The following SOX6 variants were observed in gnomAD, a reference collection of about 807,000 sequenced individuals.
SOX6 encodes the protein transcription factor SOX-6.
Under a neutral mutation model 97.8 loss-of-function variants are expected in SOX6, and 11 were observed. The observed-to-expected ratio is 0.11, with a 90% CI of 0.07 to 0.19. The LOEUF (loss-of-function observed/expected upper bound fraction) is 0.19, where lower values mean the gene tolerates loss of function less well. Ranked by LOEUF, SOX6 falls within the 10% of genes least tolerant of loss-of-function variation. The pLI is 1.00. For synonymous variants in SOX6, 360 were observed against 371.4 expected, an observed-to-expected ratio of 0.97 and a Z score of 0.35; for missense variants, 810 against 1,039.5, an observed-to-expected ratio of 0.78 and a Z score of 3.04.
chr11:16,269,989 C>T (rs1590079556), intron 3 of SOX6: 1 of 151,336 alleles, frequency 6.6e-6, no homozygotes, highest in East Asian at 1.9e-4. Flanking sequence ...GCAGCTTGGC[C>T]TTGTTCCTGA....
intron 9 of SOX6, among the ~76,000 whole-genome samples, chr11:16,077,019 C>T (rs1198719336): frequency 6.6e-6 from 1 of 152,002 alleles, no homozygotes; most frequent in African/African-American, 2.4e-5. Flanking sequence ...TCCCAAAGTG[C>T]TGGGATTACA....
intron 3 of SOX6, among the ~76,000 whole-genome samples, chr11:16,237,607 T>A (rs192658551): frequency 1.3e-5 from 2 of 152,132 alleles, no homozygotes; most frequent in African/African-American, 4.8e-5. Flanking sequence ...AAGGCCTGTT[T>A]GCATTATGTA....
intron 3 of SOX6, among the ~76,000 whole-genome samples, chr11:16,249,207 C>T (rs531893670): frequency 5.3e-4 from 80 of 152,058 alleles, no homozygotes; most frequent in Non-Finnish European, 1.0e-3. Flanking sequence ...TCTATCACAT[C>T]GTTAGGCTGC....
intron 1 of SOX6, among the ~76,000 whole-genome samples, chr11:16,421,119 A>C (rs1859013330): frequency 6.6e-6 from 1 of 152,198 alleles, no homozygotes; most frequent in Non-Finnish European, 1.5e-5. Flanking sequence ...GGAGTCTAAC[A>C]GGGACAGTAT....
intron 15 of SOX6, among the ~76,000 whole-genome samples, chr11:15,977,212 T>A (rs970124608): frequency 6.6e-6 from 1 of 152,050 alleles, no homozygotes; most frequent in Non-Finnish European, 1.5e-5. Context: ...ATGTCTTTGC[T>A]ATCTCTGTAG....
intron 2 of SOX6, among the ~76,000 whole-genome samples, chr11:16,729,726 A>G (rs1160983189): frequency 6.6e-6 from 1 of 152,194 alleles, no homozygotes; most frequent in Non-Finnish European, 1.5e-5. Context: ...TTCACACATA[A>G]TATTAACCTT....
intron 14 of SOX6, 94 bp from the exon 15 acceptor site, chr11:15,986,514 C>G: frequency 8.1e-7 from 1 of 1,228,990 alleles, no homozygotes; most frequent in South Asian, 1.2e-5. Flanking sequence ...CTTCACTCAT[C>G]TGTGCGCTGG....
chr11:16,202,766 A>G (rs774470938), intron 4 of SOX6, among the ~76,000 whole-genome samples: 5 of 152,198 alleles, frequency 3.3e-5, no homozygotes, highest in Non-Finnish European at 7.4e-5. Context: ...AAGGAATTGG[A>G]AGGCTATAAA....
At chr11:16,216,348 G>A (rs1398448475) in intron 4 of SOX6, among the ~76,000 whole-genome samples, 1 of 152,134 alleles carries the variant, frequency 6.6e-6, no homozygotes, top group East Asian at 1.9e-4. Context: ...AAAAAGATTT[G>A]TGGAGTGACT....
At chr11:16,027,204 G>C (rs1855238044) in intron 12 of SOX6, among the ~76,000 whole-genome samples, 1 of 152,114 alleles carries the variant, frequency 6.6e-6, no homozygotes, top group Non-Finnish European at 1.5e-5. Flanking sequence ...CTCTGATAAT[G>C]TCACAGCATT....
At chr11:16,151,078 T>C (rs1298632414) in intron 6 of SOX6, among the ~76,000 whole-genome samples, 1 of 152,170 alleles carries the variant, frequency 6.6e-6, no homozygotes, top group Non-Finnish European at 1.5e-5. Flanking sequence ...TTACAGTAAA[T>C]AATACCTCTT....
intron 1 of SOX6, among the ~76,000 whole-genome samples, chr11:16,444,132 T>TAA (rs542814230): frequency 6.7e-6 from 1 of 148,534 alleles, no homozygotes; most frequent in African/African-American, 2.5e-5. Context: ...AAAACTGTTA[T>TAA]AAAAAAAAAA....
intron 4 of SOX6, among the ~76,000 whole-genome samples, chr11:16,203,967 C>CA (rs892223118): frequency 4.6e-5 from 7 of 151,810 alleles, no homozygotes; most frequent in Admixed American, 2.6e-4. Context: ...AAAAAAATAT[C>CA]AAAAAATGGA....
intron 2 of SOX6, among the ~76,000 whole-genome samples, chr11:16,723,855 C>T (rs1341122750): frequency 6.6e-6 from 1 of 152,064 alleles, no homozygotes; most frequent in Non-Finnish European, 1.5e-5. Flanking sequence ...AAATGATTGT[C>T]GTTATTTGAA....
intron 9 of SOX6, among the ~76,000 whole-genome samples, chr11:16,066,761 G>A (rs935638187): frequency 1.3e-5 from 2 of 152,250 alleles, no homozygotes; most frequent in African/African-American, 4.8e-5. Context: ...AGGATAATGG[G>A]AGGGTTTGGG....
At chr11:16,455,061 T>C (rs1407685972) in intron 1 of SOX6, among the ~76,000 whole-genome samples, 2 of 152,050 alleles carry the variant, frequency 1.3e-5, no homozygotes, top group Non-Finnish European at 2.9e-5. Flanking sequence ...ACCCCACATA[T>C]TTATCATGTG....
At chr11:16,612,434 G>A (rs1848409085) in intron 3 of SOX6, among the ~76,000 whole-genome samples, 1 of 152,168 alleles carries the variant, frequency 6.6e-6, no homozygotes. Flanking sequence ...CCAAAGACCA[G>A]AGAAGTCGCT....
intron 4 of SOX6, among the ~76,000 whole-genome samples, chr11:16,563,352 G>A (rs1847836586): frequency 6.6e-6 from 1 of 152,200 alleles, no homozygotes; most frequent in Non-Finnish European, 1.5e-5. Context: ...GGCTGAGACA[G>A]AAGGATAACT....
intron 1 of SOX6, among the ~76,000 whole-genome samples, chr11:16,470,425 T>A (rs1860120543): frequency 6.6e-6 from 1 of 152,122 alleles, no homozygotes; most frequent in Admixed American, 6.6e-5. Flanking sequence ...AAGACATGAT[T>A]TTGTGATTTT....
Sources: gnomAD v4.1 joint callset for allele counts (sites outside exome capture counted in the v4.1 genomes callset) on GRCh38, gnomAD v4.1.1 for gene constraint, MANE v1.5 for transcripts, NCBI Gene and HGNC (gene_info 2026-07-23, HGNC 2026-07-21) for gene names.